The following ZNF678 variants were observed in gnomAD, a reference collection of about 807,000 sequenced individuals.
ZNF678 encodes hypothetical protein MGC42493.
ZNF678 carries 5 observed loss-of-function variants against 3.0 expected under a neutral mutation model. The observed-to-expected ratio is 1.69, with a 90% CI of 0.88 to 3.56. ZNF678 has a LOEUF of 3.56. ZNF678 is among the 30% of genes most tolerant of loss of function. The probability of loss-of-function intolerance (pLI) is 0.00; values close to 1 mark genes in which losing one functional copy is unlikely to be tolerated. For missense variants in ZNF678, 593 were observed against 605.0 expected (o/e 0.98, Z 0.21); for synonymous variants, 218 against 199.6 (o/e 1.09, Z -0.78).
intron 1 of ZNF678, among the ~76,000 whole-genome samples, chr1:227,640,977 G>T (rs1236284567): frequency 6.6e-6 from 1 of 152,244 alleles, no homozygotes; most frequent in Non-Finnish European, 1.5e-5. Context: ...CCTGGCACAC[G>T]CCAGAGCCTT....
chr1:227,603,966 A>G (rs1332369425), intron 1 of ZNF678, among the ~76,000 whole-genome samples: 6 of 152,156 alleles, frequency 3.9e-5, no homozygotes, highest in Non-Finnish European at 5.9e-5. Flanking sequence ...TCTGGTTTCT[A>G]TTAGTTTGTT....
intron 1 of ZNF678, among the ~76,000 whole-genome samples, chr1:227,600,779 T>A (rs145453971): frequency 6.6e-6 from 1 of 152,338 alleles, no homozygotes; most frequent in East Asian, 1.9e-4. Flanking sequence ...CAGAAGCTCT[T>A]TAGTTTAATT....
chr1:227,630,426 C>T (rs928259965), intron 1 of ZNF678, among the ~76,000 whole-genome samples: 10 of 152,206 alleles, frequency 6.6e-5, no homozygotes, highest in Admixed American at 3.9e-4. Flanking sequence ...ATTGACCTGA[C>T]TGAGATACCG....
downstream of ZNF678, among the ~76,000 whole-genome samples, chr1:227,666,918 G>A (rs1659513042): frequency 6.6e-6 from 1 of 151,350 alleles, no homozygotes. Context: ...CTAATTTTTT[G>A]TATTTTTAGT....
intron 1 of ZNF678, among the ~76,000 whole-genome samples, chr1:227,632,756 A>G (rs1658579408): frequency 6.6e-6 from 1 of 152,198 alleles, no homozygotes; most frequent in African/African-American, 2.4e-5. Flanking sequence ...AAAATCGTCC[A>G]ATATTACTCA....
At chr1:227,654,085 C>G (rs1053545345) in intron 3 of ZNF678, among the ~76,000 whole-genome samples, 4 of 152,004 alleles carry the variant, frequency 2.6e-5, no homozygotes, top group Admixed American at 1.3e-4. Flanking sequence ...ACTTTACTTT[C>G]TATTCTACAT....
downstream of ZNF678, among the ~76,000 whole-genome samples, chr1:227,666,726 T>G (rs2102818305): frequency 6.6e-6 from 1 of 151,516 alleles, no homozygotes; most frequent in East Asian, 1.9e-4. Flanking sequence ...CCTTTTTCTT[T>G]TCTTTTCTTT....
chr1:227,571,767 G>A (rs1447585145), intron 1 of ZNF678, among the ~76,000 whole-genome samples: 1 of 152,100 alleles, frequency 6.6e-6, no homozygotes, highest in African/African-American at 2.4e-5. Context: ...AAAAAGCCGG[G>A]CGCGGTGGCT....
Position 227,635,555 on chromosome 1 carries a change from G to C in ZNF678, c.-163-10989G>C, listed in dbSNP as rs186060774. Among the ~76,000 whole-genome samples the C allele has an allele frequency of 2.7e-4, 40 of 149,532 alleles. No individual in the cohort carries two copies. In the East Asian group the frequency reaches 7.0e-3, roughly 26 times the overall value. On this transcript the variant is annotated intron_variant, in intron 1 of 3. Coordinates refer to ENST00000343776, the MANE Select transcript of ZNF678 (RefSeq NM_001367909.1). ...TGTGTGTGTGTGTGTGTGTGTGTGT[G>C]TGTGTGTGTAGCAACATGCTGTTTT...
intron 1 of ZNF678, among the ~76,000 whole-genome samples, chr1:227,641,062 C>T (rs1658808267): frequency 6.6e-6 from 1 of 152,228 alleles, no homozygotes; most frequent in Non-Finnish European, 1.5e-5. Context: ...TAACCAGGCT[C>T]CCGGGAAACT....
chr1:227,628,883 T>TGAA (rs1201631425), intron 1 of ZNF678, among the ~76,000 whole-genome samples: 1 of 152,180 alleles, frequency 6.6e-6, no homozygotes, highest in African/African-American at 2.4e-5. Context: ...GTTTGAAGGA[T>TGAA]CTTCAAAGGC....
At chr1:227,588,676 T>C (rs1326683725) in intron 1 of ZNF678, among the ~76,000 whole-genome samples, 1 of 152,028 alleles carries the variant, frequency 6.6e-6, no homozygotes, top group Non-Finnish European at 1.5e-5. Context: ...GCTATTTTTT[T>C]CTATTTTTTA....
At chr1:227,612,333 C>T (rs908956250) in intron 1 of ZNF678, among the ~76,000 whole-genome samples, 4 of 152,158 alleles carry the variant, frequency 2.6e-5, no homozygotes, top group Admixed American at 6.5e-5. Flanking sequence ...AGCAGTCTGC[C>T]ATGCAAGGCC....
chr1:227,672,778 T>C (rs964561032), intron 5 of ZNF678, among the ~76,000 whole-genome samples: 1 of 152,128 alleles, frequency 6.6e-6, no homozygotes, highest in African/African-American at 2.4e-5. Context: ...CTTTTGATTG[T>C]CTCCGAAAAT....
intron 1 of ZNF678, among the ~76,000 whole-genome samples, chr1:227,587,275 T>C (rs551971629): frequency 6.6e-6 from 1 of 151,990 alleles, no homozygotes; most frequent in South Asian, 2.1e-4. Flanking sequence ...TAATTCTTTT[T>C]CAGTTGCCTT....
In ZNF678 at chr1:227,655,389, A is replaced by G. The variant is rs778371444; in HGVS notation, c.1139A>G (p.Lys380Arg). 1.9e-5 allele frequency: 30 copies of G among 1,612,642 alleles called. No homozygotes were observed. In the Middle Eastern group the frequency reaches 4.9e-4, roughly 27 times the overall value. The change falls in exon 4 of 4, where the codon AAA (lysine) becomes AGA (arginine). Residue 380 changes from lysine (K) to arginine (R), a missense_variant. Physicochemically the swap from Lys to Arg is conservative, Grantham distance 26. Coordinates refer to ENST00000343776, the MANE Select transcript of ZNF678 (RefSeq NM_001367909.1). ...IHTGEKPYKCKECGKAFNKFS... is the reference protein window; with the variant it reads ...IHTGEKPYKCRECGKAFNKFS... ...ACTGGAGAGAAACCCTACAAATGCAAAGAATGTGGCAAAGCGTTTAACAAG... is the reference window on the plus strand; with the variant it reads ...ACTGGAGAGAAACCCTACAAATGCAGAGAATGTGGCAAAGCGTTTAACAAG...
Position 227,655,269 on chromosome 1 carries a change from A to G in ZNF678, c.1019A>G (p.Lys340Arg). ...CGGTGTTCACACCTAAGTAGCCATAAGAGAATTCATACTGGAGAGAAACCC... is the reference window on the plus strand; with the variant it reads ...CGGTGTTCACACCTAAGTAGCCATAGGAGAATTCATACTGGAGAGAAACCC... ...FNRCSHLSSH[K>R]RIHTGEKPYK... Residue 340 changes from lysine to arginine, a missense_variant, in exon 4 of 4, where the codon AAG becomes AGG. Transcript: ENST00000343776. The G allele has an allele frequency of 6.2e-7, 1 of 1,612,304 alleles. No individual in the cohort carries two copies. Among genetic ancestry groups the G allele is most frequent in the Non-Finnish European group, 8.5e-7 (1 of 1,179,072 alleles).
downstream of ZNF678, among the ~76,000 whole-genome samples, chr1:227,665,632 AT>A (rs1172424509): frequency 1.6e-4 from 25 of 152,242 alleles, no homozygotes; most frequent in Admixed American, 1.6e-3. Context: ...TTAGAATATA[AT>A]TGCTTTCCAT....
chr1:227,568,801 A>G (rs1426411415), intron 1 of ZNF678, among the ~76,000 whole-genome samples: 1 of 152,176 alleles, frequency 6.6e-6, no homozygotes, highest in African/African-American at 2.4e-5. Context: ...GGTCTGTGCA[A>G]ACTGAGTGGT....
Sources: gnomAD v4.1 joint callset for allele counts (sites outside exome capture counted in the v4.1 genomes callset) on GRCh38, gnomAD v4.1.1 for gene constraint, MANE v1.5 for transcripts, NCBI Gene and HGNC (gene_info 2026-07-23, HGNC 2026-07-21) for gene names.